TRPC4AP: variants seen among roughly 807,000 people sequenced by gnomAD.
The protein encoded by TRPC4AP is transient receptor potential cation channel subfamily C member 4 associated protein.
TRPC4AP carries 45 observed loss-of-function variants against 99.0 expected under a neutral mutation model. The observed-to-expected ratio is 0.45, with a 90% confidence interval of 0.36 to 0.58. The LOEUF (loss-of-function observed/expected upper bound fraction) is 0.58. TRPC4AP is among the 20% of genes least tolerant of loss of function. The pLI, the probability that TRPC4AP is intolerant of heterozygous loss-of-function variation, is 0.00. For synonymous variants in TRPC4AP, 408 were observed against 385.8 expected, an observed-to-expected ratio of 1.06 and a Z score of -0.67; for missense variants, 879 against 985.3, an observed-to-expected ratio of 0.89 and a Z score of 1.44.
chr20:35,069,800 A>C (rs1417792732), intron 2 of TRPC4AP, among the ~76,000 whole-genome samples: 1 of 152,156 alleles, frequency 6.6e-6, no homozygotes, highest in Admixed American at 6.5e-5. Context: ...AATTAGCCGG[A>C]TGTGGTGCTA....
intron 1 of TRPC4AP, among the ~76,000 whole-genome samples, chr20:35,089,661 C>T (rs530056400): frequency 1.2e-4 from 19 of 152,090 alleles, no homozygotes; most frequent in South Asian, 1.2e-3. Flanking sequence ...CCAGCCTGAC[C>T]GACATGGTGA....
intron 3 of TRPC4AP, among the ~76,000 whole-genome samples, chr20:35,065,563 A>G (rs2084121151): frequency 6.6e-6 from 1 of 152,214 alleles, no homozygotes; most frequent in African/African-American, 2.4e-5. Context: ...TGTTTGGAAA[A>G]TACTACCAGC....
chr20:35,024,556 G>A (rs1169458666), intron 8 of TRPC4AP, among the ~76,000 whole-genome samples: 1 of 152,050 alleles, frequency 6.6e-6, no homozygotes, highest in African/African-American at 2.4e-5. Flanking sequence ...TGGTACAGTG[G>A]CTCAGGCCTG....
At chr20:35,076,335 G>A (rs145754990) in intron 2 of TRPC4AP, among the ~76,000 whole-genome samples, 6,666 of 152,220 alleles carry the variant, frequency 0.044, 490 homozygotes, top group African/African-American at 0.15. Flanking sequence ...AGGAGAAGAG[G>A]CGCTCTGATT....
chr20:35,092,179 A>C (rs2085087509), intron 1 of TRPC4AP, among the ~76,000 whole-genome samples: 1 of 151,934 alleles, frequency 6.6e-6, no homozygotes, highest in Non-Finnish European at 1.5e-5. Context: ...AGTGTCAAGG[A>C]AAGGCCTGAG....
At chr20:35,044,014 T>C (rs2083499764) in intron 7 of TRPC4AP, among the ~76,000 whole-genome samples, 1 of 152,146 alleles carries the variant, frequency 6.6e-6, no homozygotes, top group African/African-American at 2.4e-5. Flanking sequence ...TAATGAAAGG[T>C]ATGGAACTCA....
At chr20:35,081,065 A>C (rs553813985) in intron 1 of TRPC4AP, among the ~76,000 whole-genome samples, 1 of 152,220 alleles carries the variant, frequency 6.6e-6, no homozygotes, top group Non-Finnish European at 1.5e-5. Context: ...ATCATGCCTC[A>C]ATAAAGTTGT....
intron 2 of TRPC4AP, among the ~76,000 whole-genome samples, chr20:35,075,721 T>G (rs2084459894): frequency 6.6e-6 from 1 of 152,214 alleles, no homozygotes; most frequent in African/African-American, 2.4e-5. Flanking sequence ...TTGGTGAATC[T>G]GACAATTATG....
intron 3 of TRPC4AP, among the ~76,000 whole-genome samples, chr20:35,065,509 C>CT: frequency 6.6e-6 from 1 of 152,164 alleles, no homozygotes; most frequent in Non-Finnish European, 1.5e-5. Flanking sequence ...GAGAGGCTTA[C>CT]TTTGGGTTCT....
intron 6 of TRPC4AP, among the ~76,000 whole-genome samples, chr20:35,049,527 T>C (rs575490151): frequency 2.8e-4 from 43 of 152,314 alleles, no homozygotes; most frequent in Middle Eastern, 6.8e-3. Flanking sequence ...TAGCATACAA[T>C]AGCACATACA....
intron 12 of TRPC4AP, 50 bp from the exon 13 acceptor site, chr20:35,008,797 C>A (rs2082568206): frequency 1.9e-6 from 3 of 1,544,176 alleles, no homozygotes; most frequent in Middle Eastern, 1.7e-4. Flanking sequence ...CTGACAGGGG[C>A]CCTGGGGATG....
rs935756166 is a variant in TRPC4AP, at chr20:35,091,896, C to G, written c.168+718G>C. 6.6e-5 allele frequency among the ~76,000 whole-genome samples: 10 copies of G among 152,210 alleles called. No homozygotes were observed. The East Asian group carries it at 1.7e-3, about 26-fold the overall frequency. ...CATCTTACAAGTGAGGAAACTGAGG[C>G]ACAGAAAGGTCACCTGCCCAAGCAA... On this transcript the variant is annotated intron_variant, in intron 1 of 18. Coordinates refer to ENST00000252015, the MANE Select transcript of TRPC4AP (RefSeq NM_015638.3).
chr20:35,077,607 T>G (rs368685510), intron 2 of TRPC4AP, among the ~76,000 whole-genome samples: 1 of 152,328 alleles, frequency 6.6e-6, no homozygotes, highest in East Asian at 1.9e-4. Context: ...GTCTCCGTGC[T>G]CTTTCCACTC....
At position 35,076,537 on chromosome 20, in the gene TRPC4AP, CCT is replaced by C. The variant is rs557785086; in HGVS notation, c.297+1507_297+1508del. On this transcript the variant is annotated intron_variant, in intron 2 of 18. Coordinates refer to ENST00000252015, the MANE Select transcript of TRPC4AP (RefSeq NM_015638.3). The stretch of plus-strand genomic sequence containing the variant: ...AGTTTGCTGGAGGTCCACTCCAGAC[CCT>C]GTTTGTCTGGGTATCACCAGCAGAG... Among the ~76,000 whole-genome samples the C allele has an allele frequency of 3.5e-3, 538 of 152,278 alleles. 2 individuals are homozygous for C. The highest frequency in any genetic ancestry group is 1.0e-2 in the South Asian group (48 of 4,820).
At chr20:35,021,070 T>C (rs2082875711) in intron 9 of TRPC4AP, 120 bp downstream of exon 9, 2 of 1,097,086 alleles carry the variant, frequency 1.8e-6, no homozygotes, top group East Asian at 5.0e-5. Flanking sequence ...AATACCCCTA[T>C]GCTTTGCCAG....
chr20:35,089,540 ATATTTGTTTAC>A (rs57030277), intron 1 of TRPC4AP, among the ~76,000 whole-genome samples: 88,865 of 151,600 alleles, frequency 0.59, 27,018 homozygotes, highest in Middle Eastern at 0.74. Flanking sequence ...CCTATATTAT[ATATTTGTTTAC>A]TACAATGAAA....
chr20:35,013,319 C>A (rs1466740256), intron 10 of TRPC4AP, among the ~76,000 whole-genome samples: 1 of 152,142 alleles, frequency 6.6e-6, no homozygotes, highest in Non-Finnish European at 1.5e-5. Flanking sequence ...GGTGGTTACA[C>A]CTGTAATCAC....
intron 3 of TRPC4AP, among the ~76,000 whole-genome samples, chr20:35,064,580 G>C (rs2145979433): frequency 6.6e-6 from 1 of 152,320 alleles, no homozygotes; most frequent in South Asian, 2.1e-4. Context: ...CAATTCTAGA[G>C]AAGCACTGGG....
intron 8 of TRPC4AP, among the ~76,000 whole-genome samples, chr20:35,025,586 T>C (rs1186192273): frequency 6.6e-6 from 1 of 152,192 alleles, no homozygotes; most frequent in East Asian, 1.9e-4. Context: ...AGATCCTTTG[T>C]CTATATTTTG....
Sources: allele counts gnomAD v4.1 joint callset (sites outside exome capture counted in the v4.1 genomes callset), GRCh38; gene constraint gnomAD v4.1.1; transcripts MANE v1.5; gene names NCBI Gene and HGNC (gene_info 2026-07-23, HGNC 2026-07-21).